The following RHBDD1 variants were observed in gnomAD, a reference collection of about 807,000 sequenced individuals.
RHBDD1 encodes rhomboid domain containing 1.
Under a neutral mutation model 36.3 loss-of-function variants are expected in RHBDD1, and 38 were observed. The ratio of observed to expected loss-of-function variants is 1.05; its 90% CI spans 0.81 to 1.37. RHBDD1 has a LOEUF of 1.37. Among genes scored for constraint, RHBDD1 ranks in the 40% most tolerant of loss-of-function variants. The probability of loss-of-function intolerance (pLI) is 0.00; values close to 1 mark genes in which losing one functional copy is unlikely to be tolerated. For missense variants in RHBDD1, 393 were observed against 377.6 expected, an observed-to-expected ratio of 1.04 and a Z score of -0.34; for synonymous variants, 151 against 136.5, an observed-to-expected ratio of 1.11 and a Z score of -0.74.
chr2:226,950,149 A>G (rs1426971997), intron 8 of RHBDD1, among the ~76,000 whole-genome samples: 1 of 152,220 alleles, frequency 6.6e-6, no homozygotes, highest in African/African-American at 2.4e-5. Context: ...TCACTGTATC[A>G]TAGATAGATC....
intron 3 of RHBDD1, among the ~76,000 whole-genome samples, chr2:226,843,647 G>C (rs1196830995): frequency 2.6e-5 from 4 of 152,148 alleles, no homozygotes; most frequent in Admixed American, 2.6e-4. Flanking sequence ...TAAGTTTTTT[G>C]ATGTGCTGGT....
chr2:226,996,033 C>T lies in RHBDD1; in HGVS notation c.*511C>T. On this transcript the variant is annotated 3_prime_UTR_variant, in exon 9 of 9. Transcript: ENST00000392062. ...TGTCCTACTCTCCCCAACCCCGGCG[C>T]CTCAGCTCCTCAGCTCCTCGGGCCC... 1 of 157,470 alleles carries T rather than the reference C, an allele frequency of 6.4e-6. No individual in the cohort carries two copies. The highest frequency in any genetic ancestry group is 1.4e-5 in the Non-Finnish European group (1 of 71,768). The allele number at this position is 157,470 out of a possible 1,614,324, so 9.8% of individuals were successfully genotyped here.
chr2:226,940,587 T>G (rs1253395510), intron 8 of RHBDD1, among the ~76,000 whole-genome samples: 1 of 152,096 alleles, frequency 6.6e-6, no homozygotes, highest in Non-Finnish European at 1.5e-5. Flanking sequence ...TATATGATTA[T>G]TATAATTCAT....
At chr2:226,855,810 AT>A (rs1443006963) in intron 3 of RHBDD1, among the ~76,000 whole-genome samples, 4 of 152,330 alleles carry the variant, frequency 2.6e-5, no homozygotes, top group African/African-American at 9.6e-5. Flanking sequence ...CGAGATTCCC[AT>A]TACCATCCTA....
At chr2:226,817,394 A>G in the RHBDD1 span, among the ~76,000 whole-genome samples, 1 of 152,332 alleles carries the variant, frequency 6.6e-6, no homozygotes, top group Admixed American at 6.5e-5. Flanking sequence ...AATGCCTTAT[A>G]GTAGTCAATC....
chr2:226,965,736 A>G (rs540582829), intron 8 of RHBDD1, among the ~76,000 whole-genome samples: 6 of 152,274 alleles, frequency 3.9e-5, no homozygotes, highest in Non-Finnish European at 7.3e-5. Context: ...TCCATGTGCC[A>G]TCATCCTGGA....
the RHBDD1 span, among the ~76,000 whole-genome samples, chr2:226,823,371 A>C: frequency 4.7e-4 from 72 of 152,316 alleles, no homozygotes; most frequent in South Asian, 1.9e-3. Flanking sequence ...GTCAATTTGC[A>C]CTGTTTCTTA....
chr2:226,917,934 A>G (rs543456747), intron 8 of RHBDD1, among the ~76,000 whole-genome samples: 1 of 152,208 alleles, frequency 6.6e-6, no homozygotes, highest in South Asian at 2.1e-4. Context: ...TGAATATAGG[A>G]CTTTCTAAAC....
At chr2:226,930,313 A>G (rs937477189) in intron 8 of RHBDD1, among the ~76,000 whole-genome samples, 9 of 151,974 alleles carry the variant, frequency 5.9e-5, no homozygotes, top group African/African-American at 2.2e-4. Context: ...AGTCGATACA[A>G]AGACCAATGG....
the RHBDD1 span, among the ~76,000 whole-genome samples, chr2:226,825,012 T>C: frequency 6.6e-6 from 1 of 152,216 alleles, no homozygotes; most frequent in Non-Finnish European, 1.5e-5. Context: ...CAGACTGATT[T>C]CCCACATTTT....
chr2:226,989,880 G>A (rs1957792768), intron 8 of RHBDD1, among the ~76,000 whole-genome samples: 1 of 152,186 alleles, frequency 6.6e-6, no homozygotes, highest in Admixed American at 6.5e-5. Context: ...GTAAATCACA[G>A]AGATCTCCAT....
At chr2:226,851,628 A>G (rs1195679087) in intron 3 of RHBDD1, among the ~76,000 whole-genome samples, 1 of 151,990 alleles carries the variant, frequency 6.6e-6, no homozygotes, top group East Asian at 1.9e-4. Context: ...GCTCACCACT[A>G]CCAAGGCCTC....
chr2:226,887,472 A>T, intron 5 of RHBDD1, among the ~76,000 whole-genome samples: 1 of 152,230 alleles, frequency 6.6e-6, no homozygotes, highest in Non-Finnish European at 1.5e-5. Context: ...AGTTAATTTT[A>T]GTTAAAGGGT....
At chr2:226,814,625 A>T in the RHBDD1 span, among the ~76,000 whole-genome samples, 1 of 152,202 alleles carries the variant, frequency 6.6e-6, no homozygotes, top group Non-Finnish European at 1.5e-5. Context: ...GTGGAAATAA[A>T]GAGGAAAAAG....
chr2:226,896,343 A>C (rs1257808081), intron 5 of RHBDD1, among the ~76,000 whole-genome samples: 2 of 152,168 alleles, frequency 1.3e-5, no homozygotes, highest in Admixed American at 1.3e-4. Context: ...CCAGAAGCCT[A>C]GATTTCTTCC....
At chr2:226,855,566 TAGAG>T (rs1210500791) in intron 3 of RHBDD1, among the ~76,000 whole-genome samples, 1 of 152,216 alleles carries the variant, frequency 6.6e-6, no homozygotes, top group Non-Finnish European at 1.5e-5. Context: ...CAGTTGTCAT[TAGAG>T]AGATAGTCTA....
intron 5 of RHBDD1, among the ~76,000 whole-genome samples, chr2:226,873,897 G>A (rs1266791928): frequency 6.6e-6 from 1 of 152,172 alleles, no homozygotes; most frequent in East Asian, 1.9e-4. Context: ...ATCTGAGACT[G>A]GGTGATTTAT....
chr2:226,902,640 T>C (rs1947691217), intron 5 of RHBDD1, among the ~76,000 whole-genome samples: 1 of 152,224 alleles, frequency 6.6e-6, no homozygotes, highest in Admixed American at 6.5e-5. Context: ...ATTCTCAGTT[T>C]TGATTGAATA....
Position 226,840,467 on chromosome 2 carries a change from G to T in RHBDD1, c.-91+840G>T, listed in dbSNP as rs538314793. The stretch of plus-strand genomic sequence containing the variant: ...AAATCTCATTAAGGAGAGGAAAGGA[G>T]AGTGAAAAACCTTGGTGATGCACTG... On this transcript the variant is annotated intron_variant, in intron 3 of 8. Transcript: ENST00000392062. Among the ~76,000 whole-genome samples, 5 of 152,282 alleles carry T rather than the reference G, an allele frequency of 3.3e-5. No individual in the cohort carries two copies. The East Asian group carries it at 9.6e-4, about 29-fold the overall frequency.
Sources: allele counts gnomAD v4.1 joint callset (sites outside exome capture counted in the v4.1 genomes callset), GRCh38; gene constraint gnomAD v4.1.1; transcripts MANE v1.5; gene names NCBI Gene and HGNC (gene_info 2026-07-23, HGNC 2026-07-21).